Variants in RALGPS1 observed in about 807,000 individuals in gnomAD.
RALGPS1 encodes the protein ras-specific guanine nucleotide-releasing factor RalGPS1.
A neutral mutation model predicts 78.8 loss-of-function variants in RALGPS1; 19 were observed. The observed-to-expected ratio is 0.24, with a 90% CI of 0.17 to 0.35. The LOEUF (loss-of-function observed/expected upper bound fraction) is 0.35, where lower values mean the gene tolerates loss of function less well. RALGPS1 is among the 10% of genes least tolerant of loss of function. RALGPS1 has a pLI of 1.00. For synonymous variants in RALGPS1, 228 were observed against 256.3 expected (o/e 0.89, Z 1.06); for missense variants, 454 against 688.3 (o/e 0.66, Z 3.81).
intron 14 of RALGPS1, among the ~76,000 whole-genome samples, chr9:127,200,448 C>T (rs2061572556): frequency 2.0e-5 from 3 of 152,266 alleles, no homozygotes; most frequent in Admixed American, 2.0e-4. Flanking sequence ...ACTTGCTCCA[C>T]ACTCTGGTAT....
intron 11 of RALGPS1, among the ~76,000 whole-genome samples, chr9:127,190,022 C>T (rs1034643207): frequency 5.3e-5 from 8 of 152,126 alleles, no homozygotes; most frequent in African/African-American, 1.9e-4. Context: ...CCTCACTATC[C>T]GTATTTAATA....
At chr9:127,189,016 AAAAAAAAAAAAC>A (rs2060868542) in intron 11 of RALGPS1, among the ~76,000 whole-genome samples, 1 of 148,618 alleles carries the variant, frequency 6.7e-6, no homozygotes, top group Non-Finnish European at 1.5e-5. Flanking sequence ...AAAAAAAAAA[AAAAAAAAAAAAC>A]CCCATTGGCT....
intron 1 of RALGPS1, among the ~76,000 whole-genome samples, chr9:126,940,898 A>G (rs2036717551): frequency 6.6e-6 from 1 of 152,142 alleles, no homozygotes; most frequent in Non-Finnish European, 1.5e-5. Context: ...TTTTTCCTCT[A>G]GGTGCTGTGC....
In RALGPS1 at chr9:127,211,245, C is replaced by T. The variant is rs2789516; in HGVS notation, c.1248-886C>T. On this transcript the variant is annotated intron_variant, in intron 14 of 18. Transcript: ENST00000259351. This position sits in a 1 kb window ranked among gnomAD's most constrained non-coding sequence, Gnocchi z 5.0. The stretch of plus-strand genomic sequence containing the variant: ...TCAGATCTTAAAAGCGACAGGAAGC[C>T]ATGAAAGGGGCTTGCTGTGGGCAGG... Among the ~76,000 whole-genome samples the T allele has an allele frequency of 6.6e-3, 1,007 of 152,188 alleles. 6 individuals are homozygous for T. The highest frequency in any genetic ancestry group is 0.011 in the Non-Finnish European group (734 of 67,982).
At chr9:126,978,604 G>T (rs898664211) in intron 4 of RALGPS1, among the ~76,000 whole-genome samples, 8 of 138,424 alleles carry the variant, frequency 5.8e-5, no homozygotes, top group African/African-American at 1.1e-4. Flanking sequence ...GCGAGACTCT[G>T]TCAAAAAAAA....
At chr9:126,990,582 C>A (rs1405879801) in intron 4 of RALGPS1, among the ~76,000 whole-genome samples, 1 of 152,256 alleles carries the variant, frequency 6.6e-6, no homozygotes, top group African/African-American at 2.4e-5. Context: ...TGTCTCAGCA[C>A]CTCCGCACAG....
At position 127,030,014 on chromosome 9, in the gene RALGPS1, C is replaced by T. The variant is rs74894451; in HGVS notation, c.217-4417C>T. On this transcript the variant is annotated intron_variant, in intron 4 of 18. Transcript: ENST00000259351. Reference sequence around the variant, plus strand: ...TTTTTGCACAGTTAGGGATTATTTCCACAGTGTCTTTGTGATAAACATTCT... The same window carrying T: ...TTTTTGCACAGTTAGGGATTATTTCTACAGTGTCTTTGTGATAAACATTCT... 5.6e-3 allele frequency among the ~76,000 whole-genome samples: 854 copies of T among 152,292 alleles called. 27 individuals carry two copies. The East Asian group carries it at 0.081, about 14-fold the overall frequency.
At position 126,965,800 on chromosome 9, in the gene RALGPS1, C is replaced by T. The variant is rs543549140; in HGVS notation, c.58-44C>T. ...GGAGGTTTGGGAGGCAATGATTCCA[C>T]GTCATATCATTCAGTTGGCACCATC... On this transcript the variant is annotated intron_variant, in intron 2 of 18. Transcript: ENST00000259351. The T allele has an allele frequency of 1.2e-5, 18 of 1,464,034 alleles. No individual in the cohort carries two copies. The Middle Eastern group carries it at 6.9e-4, about 56-fold the overall frequency. 90.7% of individuals were successfully genotyped at this position (1,464,034 alleles called of 1,614,324 possible).
At chr9:127,217,237 A>G (rs752535481) in intron 18 of RALGPS1, 55 of 1,212,256 alleles carry the variant, frequency 4.5e-5, no homozygotes, top group Non-Finnish European at 5.4e-5. Context: ...GACCTGGAGG[A>G]GGGGATTTTT....
intron 5 of RALGPS1, among the ~76,000 whole-genome samples, chr9:127,045,513 A>C (rs140127046): frequency 1.4e-4 from 21 of 152,296 alleles, no homozygotes; most frequent in Admixed American, 6.5e-4. Context: ...AGATGAATAT[A>C]AGAGAGTATA....
rs939188525 is a variant in RALGPS1, at chr9:127,211,234, C to T, written c.1248-897C>T. ...AGAATGGTGGCTCAGATCTTAAAAGCGACAGGAAGCCATGAAAGGGGCTTG... is the reference window on the plus strand; with the variant it reads ...AGAATGGTGGCTCAGATCTTAAAAGTGACAGGAAGCCATGAAAGGGGCTTG... On this transcript the variant is annotated intron_variant, in intron 14 of 18. Transcript: ENST00000259351. This position sits in a 1 kb window ranked among gnomAD's most constrained non-coding sequence, Gnocchi z 5.0. Among the ~76,000 whole-genome samples the T allele has an allele frequency of 9.9e-5, 15 of 151,928 alleles. No individual in the cohort carries two copies. Among genetic ancestry groups the T allele is most frequent in the Non-Finnish European group, 1.9e-4 (13 of 67,978 alleles).
chr9:126,988,409 A>T (rs2041998131), intron 4 of RALGPS1, among the ~76,000 whole-genome samples: 1 of 152,088 alleles, frequency 6.6e-6, no homozygotes, highest in South Asian at 2.1e-4. Flanking sequence ...TGAGAGATTT[A>T]AAAAAACAAA....
At chr9:126,975,692 T>C (rs1440897341) in intron 3 of RALGPS1, among the ~76,000 whole-genome samples, 2 of 152,202 alleles carry the variant, frequency 1.3e-5, no homozygotes, top group Non-Finnish European at 2.9e-5. Context: ...TTCTGAGCCA[T>C]GGAGCTCTAG....
intron 14 of RALGPS1, among the ~76,000 whole-genome samples, chr9:127,204,198 A>T (rs2061807272): frequency 6.6e-6 from 1 of 151,648 alleles, no homozygotes; most frequent in Non-Finnish European, 1.5e-5. Flanking sequence ...ACAGAGTCTC[A>T]CTCTGTTTTC....
chr9:127,206,757 G>A (rs974860584), intron 14 of RALGPS1, among the ~76,000 whole-genome samples: 4 of 152,208 alleles, frequency 2.6e-5, no homozygotes, highest in African/African-American at 9.6e-5. Context: ...GGGACTTAGG[G>A]CTTTATGAAA....
intron 10 of RALGPS1, 49 bp downstream of exon 10, chr9:127,168,821 C>T (rs1282477381): frequency 1.4e-6 from 2 of 1,476,928 alleles, no homozygotes; most frequent in East Asian, 2.3e-5. Context: ...CCACTTTTGT[C>T]CTTAGTGCTC....
At chr9:127,168,866 C>A in intron 10 of RALGPS1, 94 bp downstream of exon 10, 1 of 963,998 alleles carries the variant, frequency 1.0e-6, no homozygotes, top group Non-Finnish European at 1.7e-6. Context: ...TTGTTGGGAC[C>A]AGTGAGTAGC....
chr9:127,182,577 C>T (rs1035314741), intron 11 of RALGPS1, among the ~76,000 whole-genome samples: 36 of 151,818 alleles, frequency 2.4e-4, no homozygotes, highest in Non-Finnish European at 4.3e-4. Context: ...TTACAGTCGC[C>T]CGCCACCATG....
At chr9:127,075,001 G>A (rs1448593645) in intron 8 of RALGPS1, among the ~76,000 whole-genome samples, 2 of 152,248 alleles carry the variant, frequency 1.3e-5, no homozygotes, top group Non-Finnish European at 2.9e-5. Flanking sequence ...CCACAAAGCA[G>A]TGCAGTCTTG....
Sources: allele counts gnomAD v4.1 joint callset (sites outside exome capture counted in the v4.1 genomes callset), GRCh38; gene constraint gnomAD v4.1.1; non-coding constraint Gnocchi (gnomAD v3.1); transcripts MANE v1.5; gene names NCBI Gene and HGNC (gene_info 2026-07-23, HGNC 2026-07-21).